Variants in SHISA9 observed in about 807,000 individuals in gnomAD.
SHISA9 encodes the protein shisa family member 9.
A neutral mutation model predicts 38.0 loss-of-function variants in SHISA9; 13 were observed. The ratio of observed to expected loss-of-function variants is 0.34; its 90% CI spans 0.22 to 0.54. The LOEUF is 0.54. Among genes scored for constraint, SHISA9 ranks in the 20% least tolerant of loss-of-function variants. The probability of loss-of-function intolerance (pLI) is 0.91; values close to 1 mark genes in which losing one functional copy is unlikely to be tolerated. For missense variants in SHISA9, 538 were observed against 575.8 expected (o/e 0.93, Z 0.67); for synonymous variants, 275 against 242.0 (o/e 1.14, Z -1.27).
At chr16:13,481,988 C>T in the SHISA9 span, among the ~76,000 whole-genome samples, 2 of 152,236 alleles carry the variant, frequency 1.3e-5, no homozygotes, top group Admixed American at 6.5e-5. Context: ...ACACAGCACT[C>T]TTTACATGCA....
chr16:12,938,234 A>T (rs2071559543), intron 2 of SHISA9, among the ~76,000 whole-genome samples: 1 of 152,224 alleles, frequency 6.6e-6, no homozygotes, highest in Non-Finnish European at 1.5e-5. Flanking sequence ...TCAGTTCTTC[A>T]TCTTCCAGAA....
At chr16:13,085,958 T>G (rs2073705912) in intron 2 of SHISA9, among the ~76,000 whole-genome samples, 1 of 152,160 alleles carries the variant, frequency 6.6e-6, no homozygotes, top group Non-Finnish European at 1.5e-5. Flanking sequence ...CAAAGAGAAT[T>G]TTTTTAAAAA....
rs553689071 is a variant in SHISA9 at position 13,231,058 on chromosome 16, C to A, written c.896-3972C>A. ...CATCCTGTGACTAAGAATGCCTTAACCATCTGGGAATGCAGCCCAGTAGGT... is the reference window on the plus strand; with the variant it reads ...CATCCTGTGACTAAGAATGCCTTAAACATCTGGGAATGCAGCCCAGTAGGT... On this transcript the variant is annotated intron_variant, in intron 4 of 4. Coordinates refer to ENST00000558583, the MANE Select transcript of SHISA9 (RefSeq NM_001145204.3). Among the ~76,000 whole-genome samples, 10 of 152,306 alleles carry A rather than the reference C, an allele frequency of 6.6e-5. No homozygotes were observed. In the East Asian group the frequency reaches 1.7e-3, roughly 27 times the overall value.
the SHISA9 span, among the ~76,000 whole-genome samples, chr16:13,302,636 T>C: frequency 6.6e-6 from 1 of 152,182 alleles, no homozygotes; most frequent in African/African-American, 2.4e-5. Context: ...AGCCATGCTG[T>C]CTTCTATCCC....
At chr16:13,042,320 T>C (rs986795802) in intron 2 of SHISA9, among the ~76,000 whole-genome samples, 4 of 152,328 alleles carry the variant, frequency 2.6e-5, no homozygotes, top group Admixed American at 2.6e-4. Context: ...TTCTTTCTGC[T>C]CATTGACAGA....
At chr16:13,338,744 G>A in the SHISA9 span, among the ~76,000 whole-genome samples, 1 of 152,168 alleles carries the variant, frequency 6.6e-6, no homozygotes, top group African/African-American at 2.4e-5. Context: ...CATTTGACTG[G>A]TTTGTAATCT....
At chr16:13,277,510 G>T in the SHISA9 span, among the ~76,000 whole-genome samples, 1 of 151,996 alleles carries the variant, frequency 6.6e-6, no homozygotes, top group Non-Finnish European at 1.5e-5. Context: ...GCATTTGGCA[G>T]TATGGTCATT....
At chr16:12,909,026 C>G in intron 1 of SHISA9, 1 of 998,308 alleles carries the variant, frequency 1.0e-6, no homozygotes, top group Non-Finnish European at 1.2e-6. Flanking sequence ...TTTTGCCTTC[C>G]AGTTTCTCTC....
chr16:13,453,051 C>T, the SHISA9 span, among the ~76,000 whole-genome samples: 6 of 151,752 alleles, frequency 4.0e-5, no homozygotes, highest in South Asian at 2.1e-4. Context: ...TGGAACAATA[C>T]GCACGTGCCA....
chr16:13,018,486 AC>A (rs1047869534), intron 2 of SHISA9, among the ~76,000 whole-genome samples: 15 of 152,114 alleles, frequency 9.9e-5, no homozygotes, highest in African/African-American at 3.4e-4. Context: ...CTCATGGCTT[AC>A]CTTTTACAAG....
At chr16:13,314,373 C>G in the SHISA9 span, among the ~76,000 whole-genome samples, 10 of 151,882 alleles carry the variant, frequency 6.6e-5, no homozygotes, top group African/African-American at 2.2e-4. Flanking sequence ...GCCACCATGC[C>G]CAGCTAATTT....
At chr16:13,224,025 C>T (rs754692170) in intron 4 of SHISA9, among the ~76,000 whole-genome samples, 11 of 152,154 alleles carry the variant, frequency 7.2e-5, no homozygotes, top group Non-Finnish European at 1.5e-4. Flanking sequence ...CTCAGTTTCC[C>T]TACTTATAAA....
chr16:13,177,459 A>T (rs1390260989), intron 2 of SHISA9, among the ~76,000 whole-genome samples: 5 of 152,326 alleles, frequency 3.3e-5, no homozygotes, highest in East Asian at 1.9e-4. Context: ...GGTGGGGGAA[A>T]AAAACATTCA....
the SHISA9 span, among the ~76,000 whole-genome samples, chr16:13,522,939 T>C: frequency 0.13 from 19,051 of 152,178 alleles, 1,551 homozygotes; most frequent in Non-Finnish European, 0.19. Context: ...TAATTATGGT[T>C]AAGCAACATG....
the SHISA9 span, among the ~76,000 whole-genome samples, chr16:13,351,597 G>A: frequency 6.6e-6 from 1 of 152,098 alleles, no homozygotes; most frequent in Non-Finnish European, 1.5e-5. Flanking sequence ...ATCAACACTT[G>A]CCCAGGTTAC....
rs71147791 is a variant in SHISA9 at position 13,234,957 on chromosome 16, ACTCTCTCTCT to A, written c.896-52_896-43del. 92 of 1,324,786 alleles carry A rather than the reference ACTCTCTCTCT, an allele frequency of 6.9e-5. No homozygotes were observed. In the Middle Eastern group the frequency reaches 8.2e-4, roughly 12 times the overall value. 82.1% of individuals were successfully genotyped at this position (1,324,786 alleles called of 1,614,324 possible). A position where few individuals can be genotyped will look rare whatever the true frequency, so the allele number is the denominator to read the frequency against. On this transcript the variant is annotated intron_variant, in intron 4 of 4. Coordinates refer to ENST00000558583, the MANE Select transcript of SHISA9 (RefSeq NM_001145204.3). The stretch of plus-strand genomic sequence containing the variant: ...TCTTGGGTTGACATGCCAGTCTCTA[ACTCTCTCTCT>A]CTCTCTCTCTCTCTCTCTCTTCTCT...
intron 2 of SHISA9, among the ~76,000 whole-genome samples, chr16:13,015,943 TTC>T (rs1286770008): frequency 1.0e-4 from 7 of 68,796 alleles, no homozygotes; most frequent in African/African-American, 4.3e-4. Flanking sequence ...CTTTCCTTCC[TTC>T]TCTCTTTTCC....
intron 2 of SHISA9, among the ~76,000 whole-genome samples, chr16:13,024,042 G>A (rs2072890690): frequency 6.6e-6 from 1 of 152,194 alleles, no homozygotes; most frequent in South Asian, 2.1e-4. Flanking sequence ...TTTTATGTGC[G>A]AGGAACTGGG....
rs2072680634 is a variant in SHISA9 at position 13,011,838 on chromosome 16, G to GCA, written c.691+95023_691+95024insCA. On this transcript the variant is annotated intron_variant, in intron 2 of 4. Coordinates refer to ENST00000558583, the MANE Select transcript of SHISA9 (RefSeq NM_001145204.3). ...GCCTGGCCTTTGACTTTTTTTTTTT[G>GCA]TTTTTGAGACAGAGTCTTGCTCTGT... Among the ~76,000 whole-genome samples the GCA allele has an allele frequency of 2.2e-5, 3 of 137,350 alleles. No individual in the cohort carries two copies. The South Asian group carries it at 7.0e-4, about 32-fold the overall frequency. 90.1% of individuals were successfully genotyped at this position (137,350 alleles called of 152,430 possible).
Sources: allele counts gnomAD v4.1 joint callset (sites outside exome capture counted in the v4.1 genomes callset), GRCh38; gene constraint gnomAD v4.1.1; transcripts MANE v1.5; gene names NCBI Gene and HGNC (gene_info 2026-07-23, HGNC 2026-07-21).